BRWD3: variants seen among roughly 807,000 people sequenced by gnomAD.
The protein encoded by BRWD3 is bromodomain and WD repeat domain containing 3.
In BRWD3, 10 loss-of-function variants were observed where a neutral mutation model predicts 149.7. The ratio of observed to expected loss-of-function variants is 0.07; its 90% CI spans 0.04 to 0.11. The LOEUF (loss-of-function observed/expected upper bound fraction) is 0.11. Among genes scored for constraint, BRWD3 ranks in the 10% least tolerant of loss-of-function variants. The pLI is 1.00. For synonymous variants in BRWD3, 504 were observed against 456.7 expected (o/e 1.10, Z -1.32); for missense variants, 940 against 1,373.2 (o/e 0.68, Z 4.99).
Position 80,745,751 on chromosome X carries a change from C to T in BRWD3, c.431-22G>A, listed in dbSNP as rs6622363. On this transcript the variant is annotated intron_variant, in intron 6 of 40. Transcript: ENST00000373275. Reference sequence around the variant, plus strand: ...TTCACTGAAAAAAATACGAAATTAACTTAAAACTTAAAAGTGAAACTGATT... The same window carrying T: ...TTCACTGAAAAAAATACGAAATTAATTTAAAACTTAAAAGTGAAACTGATT... 133 of 1,157,729 alleles carry T rather than the reference C, an allele frequency of 1.1e-4. No individual in the cohort carries two copies. The East Asian group carries it at 2.4e-3, about 21-fold the overall frequency.
At position 80,677,039 on chromosome X, in the gene BRWD3, T is replaced by C; in HGVS notation, c.4979A>G (p.Asn1660Ser). Residue 1660 changes from asparagine to serine, a missense_variant, in exon 41 of 41, where the codon AAT becomes AGT. Physicochemically the swap from Asn to Ser is conservative, Grantham distance 46 (BLOSUM62 1). Coordinates refer to ENST00000373275, the MANE Select transcript of BRWD3 (RefSeq NM_153252.5). ...PKRKLRKQHGNGKRNWKTRGT... is the reference protein window; with the variant it reads ...PKRKLRKQHGSGKRNWKTRGT... ...TCTGGTCTTCCAATTTCTTTTTCCA[T>C]TGCCATGTTGCTTTCTGAGTTTTCT... 3 of 1,211,508 alleles carry C rather than the reference T, an allele frequency of 2.5e-6. No individual in the cohort carries two copies. The highest frequency in any genetic ancestry group is 3.4e-6 in the Non-Finnish European group (3 of 895,411).
Position 80,676,508 on chromosome X carries a change from G to A in BRWD3, c.*101C>T, listed in dbSNP as rs2072368621. 2.0e-6 allele frequency: 2 copies of A among 1,013,358 alleles called. No individual in the cohort carries two copies. The highest frequency in any genetic ancestry group is 6.5e-5 in the East Asian group (2 of 30,801). The allele number at this position is 1,013,358 out of a possible 1,213,427, so 83.5% of individuals were successfully genotyped here. A position where few individuals can be genotyped will look rare whatever the true frequency, so the allele number is the denominator to read the frequency against. On this transcript the variant is annotated 3_prime_UTR_variant, in exon 41 of 41. Coordinates refer to ENST00000373275, the MANE Select transcript of BRWD3 (RefSeq NM_153252.5). Reference sequence around the variant, plus strand: ...AAATGGAAAAGCACCAATGTGAAAGGAAGCAGAAGTCCCCACACAACTTGC... The same window carrying A: ...AAATGGAAAAGCACCAATGTGAAAGAAAGCAGAAGTCCCCACACAACTTGC...
At chrX:80,728,058 T>A (rs1182459683) in intron 14 of BRWD3, among the ~76,000 whole-genome samples, 1 of 112,003 alleles carries the variant, frequency 8.9e-6, no homozygotes, top group African/African-American at 3.2e-5. Flanking sequence ...TAAAGACAAC[T>A]GAGTTGAGTC....
At chrX:80,741,154 G>A (rs750651058) in intron 8 of BRWD3, among the ~76,000 whole-genome samples, 84 of 110,108 alleles carry the variant, frequency 7.6e-4, no homozygotes, top group African/African-American at 2.6e-3. Flanking sequence ...GTGAGAACAT[G>A]CGGTGTTCGG....
rs1459226927 is a variant in BRWD3 at position 80,699,946 on chromosome X, G to A, written c.2943+11C>T. The A allele has an allele frequency of 1.7e-6, 2 of 1,177,002 alleles. No individual in the cohort carries two copies. The highest frequency in any genetic ancestry group is 2.3e-6 in the Non-Finnish European group (2 of 867,277). ...CTTCCATTGCATAGCTTATGAATTTGGCAAACTTACCCTGAGATCCATTTT... is the reference window on the plus strand; with the variant it reads ...CTTCCATTGCATAGCTTATGAATTTAGCAAACTTACCCTGAGATCCATTTT... On this transcript the variant is annotated intron_variant, in intron 25 of 40. Transcript: ENST00000373275.
At chrX:80,787,277 T>C (rs894060238) in intron 6 of BRWD3, among the ~76,000 whole-genome samples, 2 of 111,521 alleles carry the variant, frequency 1.8e-5, no homozygotes, top group Non-Finnish European at 3.8e-5. Context: ...GCTGTCAAGA[T>C]ATCAGTTATT....
intron 21 of BRWD3, among the ~76,000 whole-genome samples, chrX:80,709,141 T>C (rs2072919296): frequency 9.0e-6 from 1 of 111,272 alleles, no homozygotes; most frequent in Non-Finnish European, 1.9e-5. Context: ...CTCCTTTCCA[T>C]TTATAGGCTG....
intron 26 of BRWD3, among the ~76,000 whole-genome samples, 167 bp from the exon 27 acceptor site, chrX:80,696,157 G>A (rs1424497248): frequency 1.8e-5 from 2 of 111,132 alleles, no homozygotes; most frequent in Non-Finnish European, 3.8e-5. Context: ...ACCTGTTTGG[G>A]AGTGCCCTGC....
chrX:80,713,466 C>T (rs1280856749), intron 20 of BRWD3, among the ~76,000 whole-genome samples: 9 of 110,753 alleles, frequency 8.1e-5, no homozygotes, highest in Non-Finnish European at 1.1e-4. Context: ...GCAAGATGTG[C>T]TTTGTTAAAC....
chrX:80,789,407 G>A (rs1247287870), intron 6 of BRWD3, among the ~76,000 whole-genome samples: 6 of 110,672 alleles, frequency 5.4e-5, no homozygotes, highest in African/African-American at 1.6e-4. Flanking sequence ...ACGGAGTCTC[G>A]CTCTGTCGCC....
intron 6 of BRWD3, among the ~76,000 whole-genome samples, chrX:80,760,352 C>T (rs1479829239): frequency 9.0e-6 from 1 of 111,124 alleles, no homozygotes; most frequent in Non-Finnish European, 1.9e-5. Flanking sequence ...TAAAGTTATC[C>T]CATAAAAGCC....
rs1569267144 is a variant in BRWD3 at position 80,735,109 on chromosome X, T to C, written c.985+18A>G. ...TTAAATATTCTAGATGCTCAAAACA[T>C]TCCAGTTTTACACATACCAGAACTG... On this transcript the variant is annotated intron_variant, in intron 10 of 40. Transcript: ENST00000373275. The C allele has an allele frequency of 1.7e-6, 2 of 1,165,559 alleles. No homozygotes were observed. The highest frequency in any genetic ancestry group is 2.3e-6 in the Non-Finnish European group (2 of 853,746).
intron 6 of BRWD3, among the ~76,000 whole-genome samples, chrX:80,770,545 T>C (rs1230778003): frequency 9.0e-6 from 1 of 110,994 alleles, no homozygotes; most frequent in Non-Finnish European, 1.9e-5. Flanking sequence ...TTGACAAAAT[T>C]CAACAACGCT....
intron 6 of BRWD3, among the ~76,000 whole-genome samples, chrX:80,790,882 G>C (rs182698315): frequency 2.7e-5 from 3 of 111,284 alleles, no homozygotes; most frequent in Admixed American, 9.6e-5. Flanking sequence ...AATTCTGGTG[G>C]ATAAACAAAC....
At chrX:80,789,674 C>T (rs2074157609) in intron 6 of BRWD3, among the ~76,000 whole-genome samples, 1 of 111,082 alleles carries the variant, frequency 9.0e-6, no homozygotes, top group African/African-American at 3.3e-5. Flanking sequence ...CCCCGCCTGG[C>T]CTCCATGCTT....
rs1194863195 is a variant in BRWD3 at position 80,674,075 on chromosome X, C to A, written c.*2534G>T. On this transcript the variant is annotated 3_prime_UTR_variant, in exon 41 of 41. Coordinates refer to ENST00000373275, the MANE Select transcript of BRWD3 (RefSeq NM_153252.5). The stretch of plus-strand genomic sequence containing the variant: ...CACACTTATTAAAATAATTTGCATG[C>A]AAACAGAAAATTATCTGTTTGTTTA... The A allele has an allele frequency of 1.8e-5, 2 of 111,582 alleles. No homozygotes were observed. The highest frequency in any genetic ancestry group is 5.6e-4 in the East Asian group (2 of 3,565). The allele number at this position is 111,582 out of a possible 1,213,427, so 9.2% of individuals were successfully genotyped here. A position where few individuals can be genotyped will look rare whatever the true frequency, so the allele number is the denominator to read the frequency against.
intron 20 of BRWD3, chrX:80,709,895 A>G (rs2055330219): frequency 1.5e-6 from 1 of 662,509 alleles, no homozygotes; most frequent in South Asian, 2.4e-5. Flanking sequence ...CAGTTTTGCC[A>G]GAGGCTGCAA....
chrX:80,705,368 A>T (rs1313810873), intron 22 of BRWD3, among the ~76,000 whole-genome samples: 1 of 111,773 alleles, frequency 8.9e-6, no homozygotes. Context: ...TATAATTATA[A>T]TGCTTAGTTT....
chrX:80,673,662 C>T lies in BRWD3; in HGVS notation c.*2947G>A, dbSNP rs1173409786. The T allele has an allele frequency of 2.7e-5, 3 of 111,546 alleles. No individual in the cohort carries two copies. The highest frequency in any genetic ancestry group is 3.8e-5 in the Non-Finnish European group (2 of 53,013). 9.2% of individuals were successfully genotyped at this position (111,546 alleles called of 1,213,427 possible). ...CAGATTTTATAAATATATACACACACTAAGATCTTAAAGCTGGGAATTTAA... is the reference window on the plus strand; with the variant it reads ...CAGATTTTATAAATATATACACACATTAAGATCTTAAAGCTGGGAATTTAA... On this transcript the variant is annotated 3_prime_UTR_variant, in exon 41 of 41. Coordinates refer to ENST00000373275, the MANE Select transcript of BRWD3 (RefSeq NM_153252.5).
Sources: allele counts gnomAD v4.1 joint callset (sites outside exome capture counted in the v4.1 genomes callset), GRCh38; gene constraint gnomAD v4.1.1; transcripts MANE v1.5; gene names NCBI Gene and HGNC (gene_info 2026-07-23, HGNC 2026-07-21).